ITGA1: variants seen among roughly 807,000 people sequenced by gnomAD.
The protein encoded by ITGA1 is integrin alpha-1.
In ITGA1, 85 loss-of-function variants were observed where a neutral mutation model predicts 145.9. The ratio of observed to expected loss-of-function variants is 0.58; its 90% CI spans 0.49 to 0.70. ITGA1 has a LOEUF of 0.70. Among genes scored for constraint, ITGA1 ranks in the 30% least tolerant of loss-of-function variants. The pLI, the probability that ITGA1 is intolerant of heterozygous loss-of-function variation, is 0.00. For missense variants in ITGA1, 1,351 were observed against 1,418.7 expected, an observed-to-expected ratio of 0.95 and a Z score of 0.77; for synonymous variants, 520 against 495.3, an observed-to-expected ratio of 1.05 and a Z score of -0.66.
intron 13 of ITGA1, 152 bp from the exon 14 acceptor site, chr5:52,910,010 T>G (rs1294549066): frequency 1.9e-5 from 13 of 681,794 alleles, no homozygotes; most frequent in Non-Finnish European, 2.7e-5. Context: ...CTAACTTTAC[T>G]CTCAGATAGG....
intron 6 of ITGA1, among the ~76,000 whole-genome samples, chr5:52,876,026 G>A (rs369632404): frequency 6.6e-6 from 1 of 152,096 alleles, no homozygotes; most frequent in South Asian, 2.1e-4. Flanking sequence ...TTTTGAGCTG[G>A]CTTTCAGATT....
At chr5:52,931,822 T>G (rs1750896854) in intron 21 of ITGA1, 1 of 380,434 alleles carries the variant, frequency 2.6e-6, no homozygotes, top group African/African-American at 2.1e-5. Flanking sequence ...CATAAATCAG[T>G]GTGATTGTCA....
At chr5:52,918,957 A>C (rs1299747557) in intron 16 of ITGA1, 59 bp downstream of exon 16, 1 of 1,370,206 alleles carries the variant, frequency 7.3e-7, no homozygotes, top group African/African-American at 1.5e-5. Flanking sequence ...TTGCTCTAGC[A>C]TGATGAAGTC....
chr5:52,800,227 C>G, intron 1 of ITGA1: 2 of 651,020 alleles, frequency 3.1e-6, no homozygotes, highest in Non-Finnish European at 5.3e-6. Flanking sequence ...GGAAGTGCTG[C>G]CCTAGGCTGC....
chr5:52,838,809 A>C (rs145781683), intron 1 of ITGA1, among the ~76,000 whole-genome samples: 2 of 152,222 alleles, frequency 1.3e-5, no homozygotes, highest in African/African-American at 4.8e-5. Context: ...AATAATCACA[A>C]CATTGAGTCA....
chr5:52,836,760 C>A (rs1749168271), intron 1 of ITGA1, among the ~76,000 whole-genome samples: 1 of 151,988 alleles, frequency 6.6e-6, no homozygotes, highest in Non-Finnish European at 1.5e-5. Context: ...CTATTTTGTG[C>A]ATTTTTTGCT....
rs1226922568 is a variant in ITGA1 at position 52,788,246 on chromosome 5, T to C, written c.-108T>C. On this transcript the variant is annotated 5_prime_UTR_variant, in exon 1 of 29. Transcript: ENST00000282588. ...CGCCGCTGCCACTGGGGCAGAGGAC[T>C]GGGAACCGCGGCAGCGGGATAAGTG... The C allele has an allele frequency of 1.2e-5, 10 of 850,066 alleles. No homozygotes were observed. The East Asian group carries it at 2.7e-4, about 23-fold the overall frequency. 52.7% of individuals were successfully genotyped at this position (850,066 alleles called of 1,614,324 possible). A position where few individuals can be genotyped will look rare whatever the true frequency, so the allele number is the denominator to read the frequency against.
chr5:52,801,262 G>T, intron 1 of ITGA1: 9 of 1,145,102 alleles, frequency 7.9e-6, no homozygotes, highest in Non-Finnish European at 1.1e-5. Flanking sequence ...AATAAAAAGA[G>T]AATGTTAAAT....
At chr5:52,851,692 T>C (rs894252849) in intron 2 of ITGA1, among the ~76,000 whole-genome samples, 2 of 152,206 alleles carry the variant, frequency 1.3e-5, no homozygotes, top group African/African-American at 4.8e-5. Context: ...CAATTCTACA[T>C]ACATTTGTGA....
intron 14 of ITGA1, among the ~76,000 whole-genome samples, chr5:52,912,777 C>A (rs992643841): frequency 6.7e-6 from 1 of 149,304 alleles, no homozygotes; most frequent in Non-Finnish European, 1.5e-5. Context: ...GACGGAGTCT[C>A]GCTCTGTCGC....
At chr5:52,800,817 C>A in intron 1 of ITGA1, 1 of 1,610,976 alleles carries the variant, frequency 6.2e-7, no homozygotes, top group East Asian at 2.2e-5. Context: ...CGGCTGTGGT[C>A]ATGCAGGAAG....
intron 12 of ITGA1, among the ~76,000 whole-genome samples, chr5:52,908,253 A>G (rs974262383): frequency 6.6e-6 from 1 of 152,226 alleles, no homozygotes; most frequent in Non-Finnish European, 1.5e-5. Context: ...AATATTAAAC[A>G]TAGAATAATA....
At chr5:52,876,797 C>T (rs1105757) in intron 6 of ITGA1, among the ~76,000 whole-genome samples, 42,066 of 152,052 alleles carry the variant, frequency 0.28, 6,446 homozygotes, top group African/African-American at 0.41. Flanking sequence ...GAGAAGAATG[C>T]AATACTCACA....
At chr5:52,810,612 A>G (rs1499278) in intron 1 of ITGA1, among the ~76,000 whole-genome samples, 45,401 of 152,082 alleles carry the variant, frequency 0.3, 7,238 homozygotes, top group African/African-American at 0.42. Flanking sequence ...AAAATGGGAT[A>G]GCATGTGGAA....
Position 52,849,373 on chromosome 5 carries a change from C to T in ITGA1, c.70C>T (p.Arg24Cys), listed in dbSNP as rs764123493. The T allele has an allele frequency of 1.6e-5, 25 of 1,606,226 alleles. No homozygotes were observed. Among genetic ancestry groups the T allele is most frequent in the African/African-American group, 1.1e-4 (8 of 74,790 alleles). The change falls in exon 2 of 29, where the codon CGC becomes TGC. Residue 24 changes from arginine to cysteine, a missense_variant. Arg to Cys is a radical substitution (Grantham distance 180). Coordinates refer to ENST00000282588, the MANE Select transcript of ITGA1 (RefSeq NM_181501.2). ...ACCWLLTVVL[R>C]CCVSFNVDVK... ...TTGTTTTTCTCCTAAAGTTGTTCTA[C>T]GCTGCTGCGTATCATTCAATGTTGA... is the stretch of plus-strand genomic sequence containing the variant.
intron 1 of ITGA1, among the ~76,000 whole-genome samples, chr5:52,823,546 T>C (rs1387262666): frequency 6.6e-6 from 1 of 152,200 alleles, no homozygotes; most frequent in Non-Finnish European, 1.5e-5. Flanking sequence ...AATAAGTCCA[T>C]CTTATTCTCT....
intron 1 of ITGA1, among the ~76,000 whole-genome samples, chr5:52,806,045 A>G (rs1265867659): frequency 1.3e-5 from 2 of 152,130 alleles, no homozygotes; most frequent in East Asian, 3.9e-4. Flanking sequence ...AAAGTTGGTA[A>G]AATGCTCAGT....
rs1043611530 is a variant in ITGA1 at position 52,895,126 on chromosome 5, A to G, written c.1090+1286A>G. On this transcript the variant is annotated intron_variant, in intron 9 of 28. Transcript: ENST00000282588. The stretch of plus-strand genomic sequence containing the variant: ...TCAATGAAAAAAAAATGCTGGCTAT[A>G]CTCAGTCTGTTGATTTCATGACTGG... Among the ~76,000 whole-genome samples, 7 of 152,114 alleles carry G rather than the reference A, an allele frequency of 4.6e-5. No individual in the cohort carries two copies. The East Asian group carries it at 1.3e-3, about 29-fold the overall frequency.
At chr5:52,885,158 C>T (rs1435959269) in intron 7 of ITGA1, among the ~76,000 whole-genome samples, 2 of 152,032 alleles carry the variant, frequency 1.3e-5, no homozygotes, top group Admixed American at 6.6e-5. Flanking sequence ...CATGGTGTAC[C>T]TCCTTCCACC....
Sources: allele counts gnomAD v4.1 joint callset (sites outside exome capture counted in the v4.1 genomes callset), GRCh38; gene constraint gnomAD v4.1.1; transcripts MANE v1.5; gene names NCBI Gene and HGNC (gene_info 2026-07-23, HGNC 2026-07-21).